ZNF804A: variants seen among roughly 807,000 people sequenced by gnomAD.
ZNF804A encodes the protein zinc finger protein 804A.
ZNF804A carries 2 observed loss-of-function variants against 16.5 expected under a neutral mutation model. That is an observed-to-expected ratio of 0.12 (90% CI 0.05 to 0.38). The LOEUF (loss-of-function observed/expected upper bound fraction) is 0.38. ZNF804A is among the 10% of genes least tolerant of loss of function. The pLI is 0.99. For missense variants in ZNF804A, 1,473 were observed against 1,390.7 expected, an observed-to-expected ratio of 1.06 and a Z score of -0.94; for synonymous variants, 534 against 489.6, an observed-to-expected ratio of 1.09 and a Z score of -1.20.
chr2:184,815,234 G>A (rs1043277377), intron 1 of ZNF804A, among the ~76,000 whole-genome samples: 6 of 151,472 alleles, frequency 4.0e-5, no homozygotes, highest in Non-Finnish European at 8.9e-5. Flanking sequence ...TTTCAGTACC[G>A]ATAGATGCTG....
intron 2 of ZNF804A, among the ~76,000 whole-genome samples, chr2:184,884,040 T>G (rs913626793): frequency 1.1e-4 from 16 of 152,134 alleles, no homozygotes; most frequent in African/African-American, 3.9e-4. Context: ...GCCAATATGA[T>G]GTTATACCTA....
intron 1 of ZNF804A, among the ~76,000 whole-genome samples, chr2:184,744,229 A>G (rs1693752598): frequency 6.6e-6 from 1 of 151,782 alleles, no homozygotes; most frequent in South Asian, 2.1e-4. Flanking sequence ...ACCCTTTATA[A>G]CTCATAGATT....
chr2:184,647,478 A>C (rs1209105678), intron 1 of ZNF804A, among the ~76,000 whole-genome samples: 2 of 152,232 alleles, frequency 1.3e-5, no homozygotes. Context: ...TACATGGTTG[A>C]AAATCAACAC....
intron 1 of ZNF804A, among the ~76,000 whole-genome samples, chr2:184,623,375 T>A (rs1033809258): frequency 6.6e-6 from 1 of 152,106 alleles, no homozygotes; most frequent in Non-Finnish European, 1.5e-5. Flanking sequence ...ATATTCTCTA[T>A]CTTTTCATAT....
At chr2:184,810,584 A>G (rs1047734413) in intron 1 of ZNF804A, among the ~76,000 whole-genome samples, 1 of 135,176 alleles carries the variant, frequency 7.4e-6, no homozygotes, top group Non-Finnish European at 1.5e-5. Flanking sequence ...TCCGCCTCCC[A>G]GGTTCACGCC....
At chr2:184,784,811 G>A (rs1433069440) in intron 1 of ZNF804A, among the ~76,000 whole-genome samples, 3 of 151,982 alleles carry the variant, frequency 2.0e-5, no homozygotes, top group East Asian at 3.9e-4. Flanking sequence ...TGATTCATCC[G>A]AGGAATATAA....
intron 2 of ZNF804A, among the ~76,000 whole-genome samples, chr2:184,921,737 T>A (rs1235068209): frequency 6.6e-6 from 1 of 152,158 alleles, no homozygotes; most frequent in Non-Finnish European, 1.5e-5. Context: ...CTAACCGTAC[T>A]TTTGTACCCA....
intron 1 of ZNF804A, among the ~76,000 whole-genome samples, chr2:184,816,774 GT>G (rs1363456443): frequency 2.0e-5 from 3 of 151,940 alleles, no homozygotes; most frequent in South Asian, 2.1e-4. Context: ...TGCTGCTGTT[GT>G]TGTTTTACCT....
intron 1 of ZNF804A, among the ~76,000 whole-genome samples, chr2:184,667,933 T>G (rs1692277192): frequency 6.6e-6 from 1 of 151,780 alleles, no homozygotes; most frequent in African/African-American, 2.4e-5. Context: ...TAATGAAAAA[T>G]CAAGCATTCT....
intron 1 of ZNF804A, among the ~76,000 whole-genome samples, chr2:184,790,604 A>T (rs1408604401): frequency 2.6e-5 from 4 of 151,182 alleles, no homozygotes; most frequent in Admixed American, 1.3e-4. Context: ...TTTATTTTTT[A>T]TTTATTTATT....
rs147178834 is a variant in ZNF804A, at chr2:184,599,393, G to A, written c.111+323G>A. Among the ~76,000 whole-genome samples the A allele has an allele frequency of 3.1e-3, 478 of 152,276 alleles. 2 individuals carry two copies. Among genetic ancestry groups the A allele is most frequent in the African/African-American group, 0.011 (464 of 41,568 alleles). Reference sequence around the variant, plus strand: ...GAAAAGAAAAGAACTCTAACCCCAAGTTACCCCATAACCTCTTTTGTTTGG... The same window carrying A: ...GAAAAGAAAAGAACTCTAACCCCAAATTACCCCATAACCTCTTTTGTTTGG... On this transcript the variant is annotated intron_variant, in intron 1 of 3. Transcript: ENST00000302277.
At position 184,707,245 on chromosome 2, in the gene ZNF804A, G is replaced by A. The variant is rs1574172582; in HGVS notation, c.111+108175G>A. Reference sequence around the variant, plus strand: ...ATATGTGTACATGGGTAATTTTGGAGGGAGTGTGTGGGGAAAGAATTACAA... The same window carrying A: ...ATATGTGTACATGGGTAATTTTGGAAGGAGTGTGTGGGGAAAGAATTACAA... On this transcript the variant is annotated intron_variant, in intron 1 of 3. Transcript: ENST00000302277. Among the ~76,000 whole-genome samples the A allele has an allele frequency of 3.9e-5, 6 of 152,068 alleles. No homozygotes were observed. In the South Asian group the frequency reaches 1.2e-3, roughly 32 times the overall value.
intron 1 of ZNF804A, among the ~76,000 whole-genome samples, chr2:184,820,754 G>A (rs1468081499): frequency 2.6e-5 from 4 of 151,868 alleles, no homozygotes; most frequent in Non-Finnish European, 5.9e-5. Context: ...AAAATCTCTG[G>A]CATTCTTATA....
intron 1 of ZNF804A, among the ~76,000 whole-genome samples, chr2:184,726,965 T>C (rs930812177): frequency 1.3e-5 from 2 of 151,616 alleles, no homozygotes; most frequent in Non-Finnish European, 3.0e-5. Context: ...AGTTGAATGC[T>C]CTAGCACTAC....
chr2:184,610,857 A>G (rs988782632), intron 1 of ZNF804A, among the ~76,000 whole-genome samples: 4 of 152,220 alleles, frequency 2.6e-5, no homozygotes, highest in Non-Finnish European at 4.4e-5. Context: ...CCTGTTAGTT[A>G]TGTTATCTTT....
At chr2:184,688,560 AT>A (rs1396132293) in intron 1 of ZNF804A, among the ~76,000 whole-genome samples, 1 of 152,194 alleles carries the variant, frequency 6.6e-6, no homozygotes, top group Non-Finnish European at 1.5e-5. Flanking sequence ...ATTCTTACCT[AT>A]TTTACTATTT....
At chr2:184,636,450 TGTGAGAGA>T (rs1196824053) in intron 1 of ZNF804A, among the ~76,000 whole-genome samples, 5 of 137,342 alleles carry the variant, frequency 3.6e-5, no homozygotes, top group Admixed American at 2.2e-4. Context: ...TGTGTGTGTG[TGTGAGAGA>T]GAGAGAGAGA....
intron 2 of ZNF804A, 114 bp downstream of exon 2, chr2:184,866,626 G>T: frequency 2.3e-6 from 2 of 865,206 alleles, no homozygotes; most frequent in Non-Finnish European, 3.2e-6. Context: ...TTGCTGTACA[G>T]TTTTGAAATA....
chr2:184,647,603 A>G (rs1691902947), intron 1 of ZNF804A, among the ~76,000 whole-genome samples: 2 of 152,236 alleles, frequency 1.3e-5, no homozygotes, highest in African/African-American at 4.8e-5. Context: ...ATAAAATATA[A>G]AGATTTATCA....
Sources: allele counts gnomAD v4.1 joint callset (sites outside exome capture counted in the v4.1 genomes callset), GRCh38; gene constraint gnomAD v4.1.1; transcripts MANE v1.5; gene names NCBI Gene and HGNC (gene_info 2026-07-23, HGNC 2026-07-21).